The following MROH7 variants were observed in gnomAD, a reference collection of about 807,000 sequenced individuals.
MROH7 encodes maestro heat like repeat family member 7.
MROH7 carries 113 observed loss-of-function variants against 129.2 expected under a neutral mutation model. That is an observed-to-expected ratio of 0.87 (90% CI 0.75 to 1.02). The LOEUF is 1.02. Ranked by LOEUF, MROH7 falls within the 50% of genes least tolerant of loss-of-function variation. MROH7 has a pLI of 0.00. For missense variants in MROH7, 1,601 were observed against 1,671.3 expected (o/e 0.96, Z 0.73); for synonymous variants, 655 against 667.9 (o/e 0.98, Z 0.30).
chr1:54,670,015 A>C (rs539676296), intron 5 of MROH7, among the ~76,000 whole-genome samples: 55 of 152,074 alleles, frequency 3.6e-4, no homozygotes, highest in East Asian at 3.1e-3. Context: ...AAAAAAAAAA[A>C]AAAAAAAATA....
chr1:54,678,788 C>A lies in MROH7; in HGVS notation c.1983C>A (p.Ser661Arg), dbSNP rs1288988343. 1 of 1,614,108 alleles carries A rather than the reference C, an allele frequency of 6.2e-7. No individual in the cohort carries two copies. Among genetic ancestry groups the A allele is most frequent in the Non-Finnish European group, 8.5e-7 (1 of 1,180,016 alleles). The change falls in exon 11 of 24, where the codon AGC (serine) becomes AGA (arginine). Residue 661 changes from serine to arginine, a missense_variant. Transcript: ENST00000421030. ...CCAACAAAAAGGAGCTATATGAGAG[C>A]AACAAGCATTTCCTGGGGCCCTACA... ...EETNKKELYE[S>R]NKHFLGPYNP...
intron 15 of MROH7, 91 bp from the exon 16 acceptor site, chr1:54,692,333 G>A (rs186334191): frequency 1.5e-4 from 230 of 1,519,704 alleles, no homozygotes; most frequent in African/African-American, 9.1e-4. Flanking sequence ...GAAGTTTGTC[G>A]GGCCAGATGG....
chr1:54,694,379 G>C (rs1283792644), intron 16 of MROH7, among the ~76,000 whole-genome samples: 1 of 152,226 alleles, frequency 6.6e-6, no homozygotes, highest in African/African-American at 2.4e-5. Flanking sequence ...CCTCAGACTT[G>C]AGTGTGCAAC....
At chr1:54,650,591 A>C (rs1644538502) in intron 1 of MROH7, among the ~76,000 whole-genome samples, 3 of 145,106 alleles carry the variant, frequency 2.1e-5, no homozygotes, top group African/African-American at 2.6e-5. Context: ...TTCTTCTCTT[A>C]CCTCTCCTTT....
Position 54,654,798 on chromosome 1 carries a change from G to A in MROH7, c.1231+641G>A, listed in dbSNP as rs554514174. Among the ~76,000 whole-genome samples, 4 of 152,144 alleles carry A rather than the reference G, an allele frequency of 2.6e-5. No homozygotes were observed. The East Asian group carries it at 7.7e-4, about 29-fold the overall frequency. ...TCTTCCTTGATACATTTTAGACCTG[G>A]CTTCTCAGGTCTGAGCAAGGCCTTG... On this transcript the variant is annotated intron_variant, in intron 3 of 23. Coordinates refer to ENST00000421030, the MANE Select transcript of MROH7 (RefSeq NM_001039464.4).
In MROH7 at chr1:54,710,071, TACTC is replaced by T. The variant is rs1645600527; in HGVS notation, c.3858_3861del (p.Tyr1286Ter). ...GCCGCACGGGAACTCATGGGTGTGT[TACTC>T]AGCCACCACCCACCGCTGGAGCCCC... On this transcript the variant is annotated frameshift_variant, in exon 24 of 24. Transcript: ENST00000421030. LOFTEE classifies it high-confidence loss of function. 6.2e-7 allele frequency: 1 copy of T among 1,613,992 alleles called. No homozygotes were observed. Among genetic ancestry groups the T allele is most frequent in the Non-Finnish European group, 8.5e-7 (1 of 1,180,014 alleles).
intron 19 of MROH7, among the ~76,000 whole-genome samples, chr1:54,701,841 G>C (rs1431876847): frequency 1.3e-5 from 2 of 151,692 alleles, no homozygotes; most frequent in South Asian, 4.2e-4. Context: ...AAAGTGCTGG[G>C]ATTACAGGCA....
At chr1:54,702,862 T>C (rs1379920690) in intron 21 of MROH7, 117 bp downstream of exon 21, 22 of 1,309,736 alleles carry the variant, frequency 1.7e-5, no homozygotes, top group Admixed American at 2.3e-5. Context: ...CAACTACAAG[T>C]TGTTGGTTCT....
chr1:54,669,649 C>T (rs920874525), intron 5 of MROH7, among the ~76,000 whole-genome samples: 4 of 152,280 alleles, frequency 2.6e-5, no homozygotes, highest in Admixed American at 6.5e-5. Context: ...CTTAGCCTCT[C>T]GAGATTTGGG....
intron 14 of MROH7, among the ~76,000 whole-genome samples, chr1:54,685,697 G>C (rs2101148614): frequency 6.6e-6 from 1 of 152,290 alleles, no homozygotes; most frequent in African/African-American, 2.4e-5. Context: ...GCTCAAGGCT[G>C]GTGTTGTTTC....
intron 4 of MROH7, among the ~76,000 whole-genome samples, 166 bp from the exon 5 acceptor site, chr1:54,668,688 T>A (rs936300088): frequency 4.6e-5 from 7 of 152,152 alleles, no homozygotes; most frequent in African/African-American, 1.7e-4. Context: ...TATTCTCCAA[T>A]CTTTACCCCA....
chr1:54,667,763 T>C (rs1644834724), intron 4 of MROH7, among the ~76,000 whole-genome samples: 1 of 137,100 alleles, frequency 7.3e-6, no homozygotes, highest in South Asian at 2.6e-4. Context: ...GCTACAAAAA[T>C]TTACAAAGTA....
chr1:54,650,171 C>G (rs1387363113), intron 1 of MROH7, among the ~76,000 whole-genome samples: 2 of 152,210 alleles, frequency 1.3e-5, no homozygotes, highest in Non-Finnish European at 2.9e-5. Context: ...GGCACTGTAA[C>G]TACAATCACC....
chr1:54,692,183 G>A (rs1238943916), intron 15 of MROH7, among the ~76,000 whole-genome samples: 4 of 152,202 alleles, frequency 2.6e-5, no homozygotes, highest in African/African-American at 9.7e-5. Flanking sequence ...GAGAGAGGCT[G>A]GTCCCAGAGG....
At chr1:54,668,233 A>T (rs183182146) in intron 4 of MROH7, among the ~76,000 whole-genome samples, 8 of 152,298 alleles carry the variant, frequency 5.3e-5, no homozygotes, top group Admixed American at 5.2e-4. Flanking sequence ...CTGCTGTTCA[A>T]AGCAAGTTGT....
intron 16 of MROH7, 89 bp downstream of exon 16, chr1:54,692,650 C>T: frequency 7.3e-7 from 1 of 1,375,178 alleles, no homozygotes; most frequent in Non-Finnish European, 9.8e-7. Flanking sequence ...TGCATCTCTC[C>T]CTGGGCAAGA....
Position 54,660,263 on chromosome 1 carries a change from A to C in MROH7, c.1232-4904A>C, listed in dbSNP as rs150777058. Among the ~76,000 whole-genome samples the C allele has an allele frequency of 2.4e-3, 361 of 152,332 alleles. 1 individual carries two copies. The highest frequency in any genetic ancestry group is 8.4e-3 in the African/African-American group (350 of 41,574). ...CATGGTGGTAGGTGGAAGGACAAAAAGGGGCTGAACTCTGTATGAAGCCTC... is the reference window on the plus strand; with the variant it reads ...CATGGTGGTAGGTGGAAGGACAAAACGGGGCTGAACTCTGTATGAAGCCTC... On this transcript the variant is annotated intron_variant, in intron 3 of 23. Coordinates refer to ENST00000421030, the MANE Select transcript of MROH7 (RefSeq NM_001039464.4).
At chr1:54,645,876 C>CTCAAATGA (rs1185440922) in intron 1 of MROH7, among the ~76,000 whole-genome samples, 1 of 152,014 alleles carries the variant, frequency 6.6e-6, no homozygotes, top group Non-Finnish European at 1.5e-5. Flanking sequence ...TGGTCTTGAA[C>CTCAAATGA]TCCTGAGCTC....
At chr1:54,701,872 GTT>G (rs34319524) in intron 19 of MROH7, among the ~76,000 whole-genome samples, 3,555 of 148,042 alleles carry the variant, frequency 0.024, 192 homozygotes, top group East Asian at 0.21. Context: ...CACCTGGCCA[GTT>G]TTTTTTTTTT....
Sources: allele counts gnomAD v4.1 joint callset (sites outside exome capture counted in the v4.1 genomes callset), GRCh38; gene constraint gnomAD v4.1.1; transcripts MANE v1.5; gene names NCBI Gene and HGNC (gene_info 2026-07-23, HGNC 2026-07-21).